The following PAH variants were observed in gnomAD, a reference collection of about 807,000 sequenced individuals.
PAH encodes phenylalanine hydroxylase, also known as phenylalanine-4-hydroxylase.
In PAH, 64 loss-of-function variants were observed where a neutral mutation model predicts 62.0. That is an observed-to-expected ratio of 1.03 (90% CI 0.84 to 1.27). The LOEUF (loss-of-function observed/expected upper bound fraction) is 1.27, where lower values mean the gene tolerates loss of function less well. PAH is among the 50% of genes most tolerant of loss of function. PAH has a pLI of 0.00. For missense variants in PAH, 579 were observed against 542.8 expected, an observed-to-expected ratio of 1.07 and a Z score of -0.66; for synonymous variants, 195 against 196.2, an observed-to-expected ratio of 0.99 and a Z score of 0.05.
intron 1 of PAH, among the ~76,000 whole-genome samples, chr12:102,936,638 T>C (rs1295336778): frequency 1.3e-5 from 2 of 152,236 alleles, no homozygotes; most frequent in Admixed American, 1.3e-4. Context: ...TATAATGATC[T>C]TCTTTGTCGC....
intron 1 of PAH, chr12:102,923,636 A>T (rs1223551623): frequency 6.6e-6 from 1 of 152,238 alleles, no homozygotes; most frequent in African/African-American, 2.4e-5. Flanking sequence ...ATTAGAATGT[A>T]CCTTATTTTG....
At chr12:102,947,412 T>C (rs190062663) in intron 1 of PAH, among the ~76,000 whole-genome samples, 20 of 152,290 alleles carry the variant, frequency 1.3e-4, no homozygotes, top group Middle Eastern at 3.4e-3. Context: ...CATGGAATAT[T>C]CCAGTAGCAA....
chr12:102,890,637 C>A lies in PAH; in HGVS notation c.352+4098G>T, dbSNP rs374725747. Among the ~76,000 whole-genome samples, 427 of 152,308 alleles carry A rather than the reference C, an allele frequency of 2.8e-3. 6 individuals carry two copies. The South Asian group carries it at 0.046, about 16-fold the overall frequency. On this transcript the variant is annotated intron_variant, in intron 3 of 12. Coordinates refer to ENST00000553106, the MANE Select transcript of PAH (RefSeq NM_000277.3). ...AAAGGGTTGGTCTTAGCTAGTTTTT[C>A]TTCCCTAGGGAAAATGTCATCCCAC...
rs750269684 is a variant in PAH at position 102,958,362 on chromosome 12, GC to G, written c.-264del. The G allele has an allele frequency of 1.5e-5, 21 of 1,438,230 alleles. No individual in the cohort carries two copies. The East Asian group carries it at 4.2e-4, about 29-fold the overall frequency. 89.1% of individuals were successfully genotyped at this position (1,438,230 alleles called of 1,614,324 possible). A position where few individuals can be genotyped will look rare whatever the true frequency, so the allele number is the denominator to read the frequency against. On this transcript the variant is annotated 5_prime_UTR_variant, in exon 1 of 5. Transcript: ENST00000551337. ...CTTTGCCACGGCCGCAGCCGCGGCGGCCGCAGCCGCCGCAGCGGCAGCGCAG... is the reference window on the plus strand; with the variant it reads ...CTTTGCCACGGCCGCAGCCGCGGCGGCGCAGCCGCCGCAGCGGCAGCGCAG...
chr12:102,860,970 C>T (rs539601050), intron 5 of PAH, among the ~76,000 whole-genome samples: 82 of 152,132 alleles, frequency 5.4e-4, no homozygotes, highest in Middle Eastern at 3.4e-3. Flanking sequence ...CAACAAAAGC[C>T]GAAATTGACA....
Position 102,895,869 on chromosome 12 carries a change from A to ATATAT in PAH, c.169-952_169-951insATATA, listed in dbSNP as rs1555208129. Reference sequence around the variant, plus strand: ...GACTCTGTCTCAAAAAAAAAAAAAAAATATATATATATATATATATATGTA... The same window carrying ATATAT: ...GACTCTGTCTCAAAAAAAAAAAAAAATATATATATATATATATATATATATATGTA... On this transcript the variant is annotated intron_variant, in intron 2 of 12. Transcript: ENST00000553106. Among the ~76,000 whole-genome samples the ATATAT allele has an allele frequency of 6.6e-3, 782 of 118,560 alleles. 5 individuals are homozygous for ATATAT. The highest frequency in any genetic ancestry group is 0.023 in the African/African-American group (653 of 27,970). 77.8% of individuals were successfully genotyped at this position (118,560 alleles called of 152,430 possible). A position where few individuals can be genotyped will look rare whatever the true frequency, so the allele number is the denominator to read the frequency against.
intron 1 of PAH, among the ~76,000 whole-genome samples, chr12:102,914,874 T>G (rs1878328195): frequency 6.6e-6 from 1 of 152,202 alleles, no homozygotes; most frequent in Admixed American, 6.5e-5. Flanking sequence ...TCTCATCTTC[T>G]CCAGAAATGC....
At position 102,906,000 on chromosome 12, in the gene PAH, A is replaced by G. The variant is rs1378701783; in HGVS notation, c.168+6791T>C. On this transcript the variant is annotated intron_variant, in intron 2 of 12. Transcript: ENST00000553106. ...TTGTAACACACATAACAGTATTCAG[A>G]GTATATAAAATGTCAAAAAATCGGT... 2.6e-5 allele frequency among the ~76,000 whole-genome samples: 4 copies of G among 152,184 alleles called. No individual in the cohort carries two copies. In the East Asian group the frequency reaches 7.7e-4, roughly 29 times the overall value.
At chr12:102,853,316 TCTC>T (rs550643604) in intron 6 of PAH, 23 of 334,172 alleles carry the variant, frequency 6.9e-5, no homozygotes, top group Non-Finnish European at 1.1e-4. Flanking sequence ...ATTCCCTACT[TCTC>T]CTGCTTCTAG....
intron 1 of PAH, among the ~76,000 whole-genome samples, chr12:102,916,033 A>C (rs952868873): frequency 2.6e-5 from 4 of 151,990 alleles, no homozygotes; most frequent in African/African-American, 9.7e-5. Context: ...CAGCACCAAA[A>C]CTATGTGCAG....
chr12:102,905,886 A>G (rs1481491047), intron 2 of PAH, among the ~76,000 whole-genome samples: 1 of 152,174 alleles, frequency 6.6e-6, no homozygotes, highest in East Asian at 1.9e-4. Context: ...AAAATGACTG[A>G]AAGTATTGAT....
chr12:102,858,332 G>C (rs952998526), intron 5 of PAH, among the ~76,000 whole-genome samples: 3 of 152,076 alleles, frequency 2.0e-5, no homozygotes, highest in Non-Finnish European at 2.9e-5. Context: ...AAAGCAAGTC[G>C]TTAGAGACCT....
chr12:102,892,005 T>A (rs1877297544), intron 3 of PAH, among the ~76,000 whole-genome samples: 1 of 151,972 alleles, frequency 6.6e-6, no homozygotes, highest in Non-Finnish European at 1.5e-5. Context: ...GGGAGGGCAG[T>A]CATTGGGGAA....
chr12:102,936,304 T>C (rs1241988005), intron 1 of PAH, among the ~76,000 whole-genome samples: 2 of 152,232 alleles, frequency 1.3e-5, no homozygotes, highest in Non-Finnish European at 1.5e-5. Flanking sequence ...ACCTAAAATA[T>C]GGTCTATTCT....
In PAH at chr12:102,894,339, C is replaced by A. The variant is rs1592978351; in HGVS notation, c.352+396G>T. On this transcript the variant is annotated intron_variant, in intron 3 of 12. Coordinates refer to ENST00000553106, the MANE Select transcript of PAH (RefSeq NM_000277.3). ...ACACACAATTTACCCGTGTAACAAACCTGTACATATAACCCTGAATTTAAA... is the reference window on the plus strand; with the variant it reads ...ACACACAATTTACCCGTGTAACAAAACTGTACATATAACCCTGAATTTAAA... Among the ~76,000 whole-genome samples the A allele has an allele frequency of 3.4e-5, 5 of 148,592 alleles. No homozygotes were observed. In the South Asian group the frequency reaches 8.5e-4, roughly 25 times the overall value.
chr12:102,871,938 AAAAAAAAAAAAATATATATATAT>A (rs1261434768), intron 4 of PAH, among the ~76,000 whole-genome samples: 466 of 49,766 alleles, frequency 9.4e-3, no homozygotes, highest in South Asian at 0.011. Flanking sequence ...AAAAAAAAAA[AAAAAAAAAAAAATATATATATAT>A]ATATATATAT....
chr12:102,865,651 C>T (rs949132975), intron 5 of PAH, among the ~76,000 whole-genome samples: 33 of 152,150 alleles, frequency 2.2e-4, no homozygotes, highest in African/African-American at 5.1e-4. Context: ...GAATCCTGCT[C>T]AGCAGGATCC....
chr12:102,872,560 A>G (rs1876390493), intron 4 of PAH, among the ~76,000 whole-genome samples: 1 of 152,176 alleles, frequency 6.6e-6, no homozygotes, highest in Admixed American at 6.5e-5. Flanking sequence ...GGGCAAAAGG[A>G]AGAGAAAAGG....
At chr12:102,852,771 C>T (rs759219387) in intron 7 of PAH, 44 bp downstream of exon 7, 166 of 1,612,940 alleles carry the variant, frequency 1.0e-4, no homozygotes, top group South Asian at 1.3e-4. Flanking sequence ...GAAAAGATGG[C>T]GCTCATTGTG....
Sources: gnomAD v4.1 joint callset for allele counts (sites outside exome capture counted in the v4.1 genomes callset) on GRCh38, gnomAD v4.1.1 for gene constraint, MANE v1.5 for transcripts, NCBI Gene and HGNC (gene_info 2026-07-23, HGNC 2026-07-21) for gene names.